The following GNG4 variants were observed in gnomAD, a reference collection of about 807,000 sequenced individuals.
GNG4 encodes guanine nucleotide-binding protein G(I)/G(S)/G(O) subunit gamma-4.
A neutral mutation model predicts 5.8 loss-of-function variants in GNG4; 4 were observed. That is an observed-to-expected ratio of 0.69 (90% CI 0.34 to 1.57). The LOEUF (loss-of-function observed/expected upper bound fraction) is 1.57, where lower values mean the gene tolerates loss of function less well. Among genes scored for constraint, GNG4 ranks in the 40% most tolerant of loss-of-function variants. GNG4 has a pLI of 0.06. For missense variants in GNG4, 96 were observed against 95.1 expected (o/e 1.01, Z -0.04); for synonymous variants, 29 against 32.9 (o/e 0.88, Z 0.41).
chr1:235,572,795 G>A (rs905843409), intron 3 of GNG4, among the ~76,000 whole-genome samples: 4 of 151,780 alleles, frequency 2.6e-5, no homozygotes, highest in African/African-American at 7.3e-5. Flanking sequence ...CCACCATGCC[G>A]GGTCAAAAAA....
At chr1:235,593,039 C>T (rs1368145177) in intron 2 of GNG4, among the ~76,000 whole-genome samples, 1 of 151,862 alleles carries the variant, frequency 6.6e-6, no homozygotes, top group Non-Finnish European at 1.5e-5. Flanking sequence ...ACATCCACCT[C>T]CCAGGTTCAA....
intron 2 of GNG4, among the ~76,000 whole-genome samples, chr1:235,590,020 C>A (rs561820306): frequency 6.6e-6 from 1 of 152,354 alleles, no homozygotes; most frequent in Admixed American, 6.5e-5. Context: ...ACTCACCCCT[C>A]CATCCTGTAA....
chr1:235,591,320 C>A (rs1687956304), intron 2 of GNG4, among the ~76,000 whole-genome samples: 1 of 152,166 alleles, frequency 6.6e-6, no homozygotes, highest in African/African-American at 2.4e-5. Context: ...GTGATCCTAA[C>A]CTTGCTTAAC....
At chr1:235,587,993 C>T (rs999809519) in intron 2 of GNG4, among the ~76,000 whole-genome samples, 1 of 151,544 alleles carries the variant, frequency 6.6e-6, no homozygotes, top group Non-Finnish European at 1.5e-5. Flanking sequence ...CTAACGTTAC[C>T]GGGGAAAGCA....
At chr1:235,586,045 C>A (rs1253877097) in intron 2 of GNG4, among the ~76,000 whole-genome samples, 2 of 152,190 alleles carry the variant, frequency 1.3e-5, no homozygotes, top group African/African-American at 4.8e-5. Flanking sequence ...TGAACTAATT[C>A]TCTGGCCCAG....
chr1:235,586,008 A>T (rs1687749505), intron 2 of GNG4, among the ~76,000 whole-genome samples: 2 of 152,016 alleles, frequency 1.3e-5, no homozygotes, highest in African/African-American at 4.8e-5. Context: ...TATGGGACCC[A>T]CTCTCTCTGT....
intron 2 of GNG4, among the ~76,000 whole-genome samples, chr1:235,587,604 C>T (rs534178348): frequency 0.3 from 256 of 846 alleles, 17 homozygotes; most frequent in Admixed American, 0.38. Flanking sequence ...TGTGGGAGGG[C>T]ATGGGGTGGG....
chr1:235,562,429 T>C (rs1687088028), intron 3 of GNG4, among the ~76,000 whole-genome samples: 1 of 151,974 alleles, frequency 6.6e-6, no homozygotes, highest in South Asian at 2.1e-4. Flanking sequence ...GGTGGATCAC[T>C]TGAGGTCAGG....
Position 235,648,101 on chromosome 1 carries a change from G to T in GNG4, c.-123+1561C>A, listed in dbSNP as rs2102992744. Among the ~76,000 whole-genome samples, 1 of 151,998 alleles carries T rather than the reference G, an allele frequency of 6.6e-6. No homozygotes were observed. The highest frequency in any genetic ancestry group is 1.5e-5 in the Non-Finnish European group (1 of 67,996). On this transcript the variant is annotated intron_variant, in intron 1 of 3. Coordinates refer to ENST00000391854, the MANE Select transcript of GNG4 (RefSeq NM_001098722.2). The surrounding 1 kb of genome is among the most constrained non-coding windows in gnomAD (Gnocchi z 5.0). ...TAGGACTGCTGGGAATGGCCCCTTA[G>T]CTGTGCTGTTTCTGAGCCAGGCCTA...
intron 2 of GNG4, among the ~76,000 whole-genome samples, chr1:235,587,976 G>A (rs2102948171): frequency 6.6e-6 from 1 of 151,776 alleles, no homozygotes; most frequent in Admixed American, 6.5e-5. Context: ...TGGCGGGGAG[G>A]GAACAGCTAA....
At chr1:235,641,633 G>C (rs1657332874) in intron 1 of GNG4, among the ~76,000 whole-genome samples, 1 of 152,188 alleles carries the variant, frequency 6.6e-6, no homozygotes, top group South Asian at 2.1e-4. Flanking sequence ...GCAGGTTGCA[G>C]TGAGCCGAGA....
chr1:235,588,629 C>T (rs1468044929), intron 2 of GNG4, among the ~76,000 whole-genome samples: 1 of 152,138 alleles, frequency 6.6e-6, no homozygotes, highest in African/African-American at 2.4e-5. Flanking sequence ...ATCAGACATC[C>T]ACAATCCAGC....
At chr1:235,597,499 A>G (rs1317705821) in intron 1 of GNG4, among the ~76,000 whole-genome samples, 1 of 146,812 alleles carries the variant, frequency 6.8e-6, no homozygotes, top group Non-Finnish European at 1.5e-5. Context: ...TGGAGCTCTT[A>G]TGAATGGGAC....
intron 2 of GNG4, among the ~76,000 whole-genome samples, chr1:235,591,913 G>A (rs1338732756): frequency 6.6e-6 from 1 of 152,154 alleles, no homozygotes; most frequent in Non-Finnish European, 1.5e-5. Context: ...CCCCCAGCAG[G>A]GAAATAAAGG....
chr1:235,637,883 T>C (rs1018271114), intron 1 of GNG4, among the ~76,000 whole-genome samples: 1 of 152,202 alleles, frequency 6.6e-6, no homozygotes, highest in Non-Finnish European at 1.5e-5. Context: ...CACATGTGGG[T>C]GCACTGGGCC....
At chr1:235,593,227 C>A (rs1247177468) in intron 2 of GNG4, among the ~76,000 whole-genome samples, 1 of 152,200 alleles carries the variant, frequency 6.6e-6, no homozygotes, top group African/African-American at 2.4e-5. Context: ...GGAATTCAGG[C>A]ATGAGTGCCT....
intron 1 of GNG4, among the ~76,000 whole-genome samples, chr1:235,609,637 G>A (rs1365456756): frequency 6.6e-6 from 1 of 152,138 alleles, no homozygotes; most frequent in Non-Finnish European, 1.5e-5. Flanking sequence ...TCCTGGCCGG[G>A]CGCAGTGGCT....
At chr1:235,560,145 C>T (rs1314122498) in intron 3 of GNG4, among the ~76,000 whole-genome samples, 1 of 152,222 alleles carries the variant, frequency 6.6e-6, no homozygotes, top group African/African-American at 2.4e-5. Context: ...TCAGCTTTGA[C>T]TCCTGTAAAC....
chr1:235,580,748 T>TG (rs890112318), intron 3 of GNG4, among the ~76,000 whole-genome samples: 3 of 144,654 alleles, frequency 2.1e-5, no homozygotes, highest in African/African-American at 5.1e-5. Flanking sequence ...CGTTTTTTGT[T>TG]TTTTTTTTTT....
Sources: allele counts gnomAD v4.1 joint callset (sites outside exome capture counted in the v4.1 genomes callset), GRCh38; gene constraint gnomAD v4.1.1; non-coding constraint Gnocchi (gnomAD v3.1); transcripts MANE v1.5; gene names NCBI Gene and HGNC (gene_info 2026-07-23, HGNC 2026-07-21).